The following GBF1 variants were observed in gnomAD, a reference collection of about 807,000 sequenced individuals.
GBF1 encodes the protein golgi brefeldin A resistant guanine nucleotide exchange factor 1.
A neutral mutation model predicts 210.5 loss-of-function variants in GBF1; 114 were observed. The observed-to-expected ratio is 0.54, with a 90% CI of 0.47 to 0.63. The LOEUF (loss-of-function observed/expected upper bound fraction) is 0.63. Among genes scored for constraint, GBF1 ranks in the 30% least tolerant of loss-of-function variants. GBF1 has a pLI of 0.00. For synonymous variants in GBF1, 850 were observed against 889.2 expected (o/e 0.96, Z 0.78); for missense variants, 1,851 against 2,357.7 (o/e 0.79, Z 4.45).
At position 102,368,356 on chromosome 10, in the gene GBF1, C is replaced by T. The variant is rs1435525140; in HGVS notation, c.2781C>T (p.Leu927=). ...CTACTGCCAGCTATGATCTTGACCT[C>T]TTCACCATGACCTGGGGCCCCACTA... The part of the protein sequence containing the change: ...RVPTASYDLD[L]FTMTWGPTIA... The change falls in exon 22 of 40, where the codon CTC becomes CTT. Residue 927 remains leucine, a synonymous_variant. Coordinates refer to ENST00000369983, the MANE Select transcript of GBF1 (RefSeq NM_001377137.1). The T allele has an allele frequency of 8.1e-6, 13 of 1,613,944 alleles. No homozygotes were observed. The highest frequency in any genetic ancestry group is 1.0e-5 in the Non-Finnish European group (12 of 1,179,772).
chr10:102,341,889 G>A (rs959222785), intron 3 of GBF1, among the ~76,000 whole-genome samples: 6 of 152,022 alleles, frequency 3.9e-5, no homozygotes, highest in African/African-American at 1.4e-4. Flanking sequence ...CAGAAAATCT[G>A]TACCTGTCCC....
At chr10:102,276,068 C>A (rs2074933551) in intron 3 of GBF1, among the ~76,000 whole-genome samples, 1 of 151,866 alleles carries the variant, frequency 6.6e-6, no homozygotes, top group Non-Finnish European at 1.5e-5. Flanking sequence ...GAAACCTCGT[C>A]TCTATTAAAA....
chr10:102,368,678 C>CT, intron 22 of GBF1, 61 bp from the exon 23 acceptor site: 1 of 1,190,658 alleles, frequency 8.4e-7, no homozygotes, highest in East Asian at 2.3e-5. Context: ...AGCTCAGGGA[C>CT]TTGGAAGGGC....
chr10:102,359,409 G>A lies in GBF1; in HGVS notation c.1154G>A (p.Arg385His), dbSNP rs548224284. The change falls in exon 11 of 40, where the codon CGC (arginine) becomes CAC (histidine). Residue 385 changes from arginine to histidine, a missense_variant. This residue lies in a region of GBF1 where 804 missense variants were observed against 958.6 expected (regional missense o/e 0.84). Coordinates refer to ENST00000369983, the MANE Select transcript of GBF1 (RefSeq NM_001377137.1). ...DMDYVNPRGV[R>H]FTQSSQKEGT... is the part of the protein sequence containing the mutation. ...GATTACGTCAATCCCCGGGGCGTGC[G>A]CTTTACACAGTCCTCCCAGAAAGAA... The A allele has an allele frequency of 4.3e-6, 7 of 1,613,760 alleles. No individual in the cohort carries two copies. The highest frequency in any genetic ancestry group is 2.2e-5 in the East Asian group (1 of 44,882).
chr10:102,334,438 C>T (rs917881301), intron 3 of GBF1, among the ~76,000 whole-genome samples: 1 of 152,160 alleles, frequency 6.6e-6, no homozygotes, highest in Non-Finnish European at 1.5e-5. Flanking sequence ...TGGCTGTTCC[C>T]TTGTAGCTTA....
At chr10:102,286,662 G>A (rs536961950) in intron 3 of GBF1, among the ~76,000 whole-genome samples, 1 of 152,254 alleles carries the variant, frequency 6.6e-6, no homozygotes, top group African/African-American at 2.4e-5. Flanking sequence ...ACAACTGTGT[G>A]CAGGAACAAG....
At chr10:102,374,953 T>C (rs2060409847) in intron 29 of GBF1, among the ~76,000 whole-genome samples, 1 of 151,978 alleles carries the variant, frequency 6.6e-6, no homozygotes, top group Non-Finnish European at 1.5e-5. Flanking sequence ...GGAAGATCGC[T>C]TGAGCCTGGG....
rs1171413895 is a variant in GBF1, at chr10:102,369,299, G to A, written c.3062G>A (p.Gly1021Asp). ...GTATTCCATTTGGCCCATCGTCATG[G>A]TGACATCCTGCGGGAGGGCTGGAAG... The part of the protein sequence containing the change: ...KTVFHLAHRH[G>D]DILREGWKNI... The change falls in exon 24 of 40, where the codon GGT becomes GAT. Residue 1021 changes from glycine to aspartate, a missense_variant. This residue lies in a region of GBF1 where 967 missense variants were observed against 1,247.7 expected (regional missense o/e 0.78). Transcript: ENST00000369983. 2.5e-6 allele frequency: 4 copies of A among 1,613,924 alleles called. No individual in the cohort carries two copies. In the South Asian group the frequency reaches 4.4e-5, roughly 18 times the overall value.
At chr10:102,263,157 T>TC (rs1300515497) in intron 3 of GBF1, among the ~76,000 whole-genome samples, 1 of 152,240 alleles carries the variant, frequency 6.6e-6, no homozygotes, top group Non-Finnish European at 1.5e-5. Flanking sequence ...GGGTCAGCTG[T>TC]CCCTGTGGTC....
the GBF1 span, among the ~76,000 whole-genome samples, chr10:102,238,458 G>T: frequency 1.3e-5 from 2 of 152,216 alleles, no homozygotes; most frequent in Non-Finnish European, 2.9e-5. Context: ...GCTCCCCAGA[G>T]TTCTCAGACA....
At chr10:102,369,587 C>A in intron 24 of GBF1, 124 bp from the exon 25 acceptor site, 1 of 957,398 alleles carries the variant, frequency 1.0e-6, no homozygotes, top group Middle Eastern at 2.8e-4. Flanking sequence ...TTGCCAGTCA[C>A]CAATTGGCAC....
At chr10:102,276,753 A>G (rs939074826) in intron 3 of GBF1, among the ~76,000 whole-genome samples, 1 of 152,150 alleles carries the variant, frequency 6.6e-6, no homozygotes, top group East Asian at 1.9e-4. Flanking sequence ...ATAGTCTAAC[A>G]AAAGCTCCAA....
At chr10:102,349,009 C>T (rs2058757458) in intron 4 of GBF1, among the ~76,000 whole-genome samples, 1 of 151,916 alleles carries the variant, frequency 6.6e-6, no homozygotes, top group African/African-American at 2.4e-5. Context: ...ATTCTCCTGG[C>T]ATGTTAGCAC....
At chr10:102,340,298 A>G (rs1251764953) in intron 3 of GBF1, among the ~76,000 whole-genome samples, 70 of 88,260 alleles carry the variant, frequency 7.9e-4, no homozygotes, top group African/African-American at 1.4e-3. Context: ...TTTGAGACAG[A>G]GTCTCGCTGT....
intron 3 of GBF1, among the ~76,000 whole-genome samples, chr10:102,298,960 G>C (rs982463857): frequency 3.3e-5 from 5 of 152,148 alleles, no homozygotes; most frequent in African/African-American, 1.2e-4. Context: ...TCAGGATCAT[G>C]GACTACTATC....
chr10:102,362,724 T>G, intron 15 of GBF1, 60 bp downstream of exon 15: 1 of 1,365,844 alleles, frequency 7.3e-7, no homozygotes, highest in Non-Finnish European at 1.0e-6. Context: ...TTCTCTACTC[T>G]CTGAGTCGTT....
chr10:102,345,141 G>T (rs969908503), intron 4 of GBF1, among the ~76,000 whole-genome samples: 1 of 151,784 alleles, frequency 6.6e-6, no homozygotes, highest in Non-Finnish European at 1.5e-5. Flanking sequence ...TATTAGCCAG[G>T]CGTGGTGGCG....
chr10:102,373,402 A>G (rs1178190747), intron 29 of GBF1, among the ~76,000 whole-genome samples: 1 of 152,088 alleles, frequency 6.6e-6, no homozygotes, highest in Non-Finnish European at 1.5e-5. Context: ...TGGTGAAACC[A>G]TGTCTCTACC....
At chr10:102,274,388 C>T (rs2074723695) in intron 3 of GBF1, among the ~76,000 whole-genome samples, 2 of 152,008 alleles carry the variant, frequency 1.3e-5, no homozygotes, top group African/African-American at 2.4e-5. Flanking sequence ...CTGTGCATGG[C>T]AGCTTCATTA....
Sources: gnomAD v4.1 joint callset for allele counts (sites outside exome capture counted in the v4.1 genomes callset) on GRCh38, gnomAD v4.1.1 for gene constraint, gnomAD v4.1.1 regional missense constraint, MANE v1.5 for transcripts, NCBI Gene and HGNC (gene_info 2026-07-23, HGNC 2026-07-21) for gene names.